Variants in ANKS1B observed in about 807,000 individuals in gnomAD.
ANKS1B encodes the protein ankyrin repeat and sterile alpha motif domain containing 1B.
In ANKS1B, 36 loss-of-function variants were observed where a neutral mutation model predicts 148.3. The observed-to-expected ratio is 0.24, with a 90% CI of 0.19 to 0.32. ANKS1B has a LOEUF of 0.32. ANKS1B is among the 10% of genes least tolerant of loss of function. The probability of loss-of-function intolerance (pLI) is 1.00; values close to 1 mark genes in which losing one functional copy is unlikely to be tolerated. For missense variants in ANKS1B, 1,157 were observed against 1,542.6 expected (o/e 0.75, Z 4.19); for synonymous variants, 542 against 560.8 (o/e 0.97, Z 0.47).
At chr12:99,656,006 A>C (rs2098448160) in intron 8 of ANKS1B, among the ~76,000 whole-genome samples, 2 of 152,282 alleles carry the variant, frequency 1.3e-5, no homozygotes, top group Middle Eastern at 6.8e-3. Context: ...ACTCAGTATC[A>C]GAAAGAATTA....
chr12:99,141,778 C>T (rs1294805538), intron 15 of ANKS1B, among the ~76,000 whole-genome samples: 5 of 152,078 alleles, frequency 3.3e-5, no homozygotes, highest in Non-Finnish European at 7.4e-5. Context: ...TTCATGGCTG[C>T]ATAGTATTCT....
At chr12:98,917,501 AG>A (rs149201265) in intron 17 of ANKS1B, among the ~76,000 whole-genome samples, 1,989 of 152,304 alleles carry the variant, frequency 0.013, 50 homozygotes, top group African/African-American at 0.04. Context: ...CCTTCTTTCT[AG>A]GTTTACTCAA....
intron 12 of ANKS1B, among the ~76,000 whole-genome samples, chr12:99,327,240 T>C (rs1273066670): frequency 5.5e-5 from 6 of 108,266 alleles, no homozygotes; most frequent in African/African-American, 7.4e-5. Flanking sequence ...TTATAATAAT[T>C]ATAATTTATT....
At chr12:98,878,687 GTATT>G (rs745876491) in intron 17 of ANKS1B, among the ~76,000 whole-genome samples, 2 of 152,142 alleles carry the variant, frequency 1.3e-5, no homozygotes, top group African/African-American at 2.4e-5. Flanking sequence ...TTAAAATTAA[GTATT>G]TAATGCGATC....
chr12:99,855,943 T>C (rs1286574574), intron 1 of ANKS1B, among the ~76,000 whole-genome samples: 1 of 152,056 alleles, frequency 6.6e-6, no homozygotes, highest in East Asian at 1.9e-4. Context: ...TAGCATTAAA[T>C]ACCTACATCA....
intron 14 of ANKS1B, among the ~76,000 whole-genome samples, chr12:99,200,410 T>C (rs1456633174): frequency 2.0e-5 from 3 of 152,234 alleles, no homozygotes; most frequent in East Asian, 1.9e-4. Context: ...GGCTAGATGG[T>C]TGTCTTTAGC....
At position 99,411,737 on chromosome 12, in the gene ANKS1B, C is replaced by T. The variant is rs181488513; in HGVS notation, c.1576-11926G>A. On this transcript the variant is annotated intron_variant, in intron 11 of 26. Coordinates refer to ENST00000683438, the MANE Select transcript of ANKS1B (RefSeq NM_001352186.2). ...GAGATTGGGCTTGCATTTTTGGACT[C>T]GACTATATTCCCATTGATCTATTTG... Among the ~76,000 whole-genome samples the T allele has an allele frequency of 3.3e-5, 5 of 152,190 alleles. No homozygotes were observed. The East Asian group carries it at 5.8e-4, about 18-fold the overall frequency.
chr12:99,243,713 C>T (rs2452265), intron 14 of ANKS1B, among the ~76,000 whole-genome samples: 30,085 of 152,124 alleles, frequency 0.2, 3,209 homozygotes, highest in Middle Eastern at 0.3. Context: ...AGGATGAGCT[C>T]ATGTCCTTTG....
At chr12:99,262,865 A>ATG (rs145896454) in intron 12 of ANKS1B, among the ~76,000 whole-genome samples, 13 of 151,098 alleles carry the variant, frequency 8.6e-5, no homozygotes, top group South Asian at 6.3e-4. Flanking sequence ...GACTAGGGGA[A>ATG]TGTGTGTGTG....
chr12:99,714,423 A>C (rs2057032322), intron 8 of ANKS1B, among the ~76,000 whole-genome samples: 1 of 152,160 alleles, frequency 6.6e-6, no homozygotes, highest in South Asian at 2.1e-4. Flanking sequence ...TTACAGATTG[A>C]AGTTTTGTCA....
At chr12:99,663,034 T>C (rs1199511924) in intron 8 of ANKS1B, among the ~76,000 whole-genome samples, 1 of 152,166 alleles carries the variant, frequency 6.6e-6, no homozygotes, top group Non-Finnish European at 1.5e-5. Flanking sequence ...AACTATTATT[T>C]TGTCAATTTA....
intron 12 of ANKS1B, among the ~76,000 whole-genome samples, chr12:99,304,280 T>G (rs1056139889): frequency 4.2e-4 from 64 of 152,144 alleles, no homozygotes; most frequent in Non-Finnish European, 7.9e-4. Context: ...ACATCTATTA[T>G]TTTTTGATTT....
intron 11 of ANKS1B, among the ~76,000 whole-genome samples, chr12:99,412,310 C>T (rs186598580): frequency 6.6e-6 from 1 of 152,284 alleles, no homozygotes; most frequent in East Asian, 1.9e-4. Context: ...ACTGTCCCCA[C>T]ATTAGGAGCT....
At chr12:98,757,641 G>A (rs904832781) in intron 25 of ANKS1B, among the ~76,000 whole-genome samples, 18 of 152,198 alleles carry the variant, frequency 1.2e-4, no homozygotes, top group Non-Finnish European at 2.6e-4. Flanking sequence ...TCAAACCACT[G>A]TGCTGCAGTG....
At chr12:98,927,248 C>A (rs1446222948) in intron 17 of ANKS1B, among the ~76,000 whole-genome samples, 1 of 152,074 alleles carries the variant, frequency 6.6e-6, no homozygotes, top group Non-Finnish European at 1.5e-5. Context: ...TTACATCCAG[C>A]AAAACCACCA....
At chr12:99,503,852 C>T (rs1303830565) in intron 10 of ANKS1B, among the ~76,000 whole-genome samples, 1 of 152,000 alleles carries the variant, frequency 6.6e-6, no homozygotes, top group Non-Finnish European at 1.5e-5. Context: ...TGAAAATTTC[C>T]TCCTTCATTA....
At chr12:99,686,268 G>C (rs1028951949) in intron 8 of ANKS1B, among the ~76,000 whole-genome samples, 7 of 152,104 alleles carry the variant, frequency 4.6e-5, no homozygotes, top group African/African-American at 1.4e-4. Context: ...GAGTATAACA[G>C]CCAAGTTTCA....
At chr12:98,877,115 T>C (rs555774680) in intron 17 of ANKS1B, among the ~76,000 whole-genome samples, 1 of 152,288 alleles carries the variant, frequency 6.6e-6, no homozygotes, top group East Asian at 1.9e-4. Flanking sequence ...AAAAACATTA[T>C]GTAGTTAAGC....
At chr12:99,674,879 T>A (rs530944560) in intron 8 of ANKS1B, among the ~76,000 whole-genome samples, 1 of 151,874 alleles carries the variant, frequency 6.6e-6, no homozygotes, top group East Asian at 1.9e-4. Context: ...AACAAAATAA[T>A]AATATCCTTA....
Sources: allele counts gnomAD v4.1 joint callset (sites outside exome capture counted in the v4.1 genomes callset), GRCh38; gene constraint gnomAD v4.1.1; transcripts MANE v1.5; gene names NCBI Gene and HGNC (gene_info 2026-07-23, HGNC 2026-07-21).